The following CCDC57 variants were observed in gnomAD, a reference collection of about 807,000 sequenced individuals.
CCDC57 encodes the protein coiled-coil domain containing 57.
Under a neutral mutation model 118.9 loss-of-function variants are expected in CCDC57, and 118 were observed. The observed-to-expected ratio is 0.99, with a 90% CI of 0.86 to 1.16. The LOEUF (loss-of-function observed/expected upper bound fraction) is 1.16, where lower values mean the gene tolerates loss of function less well. Ranked by LOEUF, CCDC57 falls within the 50% of genes most tolerant of loss-of-function variation. The probability of loss-of-function intolerance (pLI) is 0.00; values close to 1 mark genes in which losing one functional copy is unlikely to be tolerated. For synonymous variants in CCDC57, 527 were observed against 532.9 expected (o/e 0.99, Z 0.15); for missense variants, 1,300 against 1,320.7 (o/e 0.98, Z 0.24).
chr17:82,169,445 G>A (rs1233008349), intron 13 of CCDC57, among the ~76,000 whole-genome samples: 1 of 152,176 alleles, frequency 6.6e-6, no homozygotes, highest in Non-Finnish European at 1.5e-5. Flanking sequence ...TCCCCTATTT[G>A]AGACAATCTG....
At chr17:82,142,799 C>T (rs552408831) in intron 16 of CCDC57, among the ~76,000 whole-genome samples, 9 of 152,030 alleles carry the variant, frequency 5.9e-5, no homozygotes, top group Non-Finnish European at 8.8e-5. Flanking sequence ...AGTAGTATTC[C>T]GCACATTTGG....
intron 17 of CCDC57, among the ~76,000 whole-genome samples, chr17:82,131,783 A>G (rs917099330): frequency 1.3e-5 from 2 of 151,888 alleles, no homozygotes; most frequent in African/African-American, 2.4e-5. Context: ...AAAAAGAAAT[A>G]AAAAAGGAAA....
chr17:82,174,073 G>A (rs1568361696), intron 11 of CCDC57, among the ~76,000 whole-genome samples: 1 of 152,236 alleles, frequency 6.6e-6, no homozygotes, highest in African/African-American at 2.4e-5. Context: ...ACTCAACCTT[G>A]AGTCCAGCCA....
chr17:82,174,539 A>G (rs1238702307), intron 11 of CCDC57, among the ~76,000 whole-genome samples: 1 of 152,204 alleles, frequency 6.6e-6, no homozygotes, highest in Non-Finnish European at 1.5e-5. Flanking sequence ...CCCTTCCGCA[A>G]GGAGTTGACC....
intron 3 of CCDC57, 143 bp downstream of exon 2, chr17:82,201,395 C>T: frequency 9.3e-7 from 1 of 1,071,930 alleles, no homozygotes; most frequent in South Asian, 1.7e-5. Flanking sequence ...GCCACTCAGA[C>T]AGACCAGCTC....
chr17:82,158,078 C>T (rs2042890269), intron 14 of CCDC57, 130 bp from the exon 14 acceptor site: 1 of 1,444,838 alleles, frequency 6.9e-7, no homozygotes, highest in Non-Finnish European at 9.1e-7. Context: ...GCCTCCTCCC[C>T]AGCTGGATGC....
intron 17 of CCDC57, 139 bp downstream of exon 16, chr17:82,133,934 T>C: frequency 3.6e-6 from 3 of 840,024 alleles, no homozygotes; most frequent in East Asian, 3.4e-5. Flanking sequence ...CATTGAAATG[T>C]TACTAATAAC....
intron 13 of CCDC57, among the ~76,000 whole-genome samples, chr17:82,167,498 C>A (rs1241564708): frequency 6.6e-6 from 1 of 151,952 alleles, no homozygotes; most frequent in African/African-American, 2.4e-5. Flanking sequence ...TCACAGGTGT[C>A]CACCACCATG....
intron 16 of CCDC57, among the ~76,000 whole-genome samples, chr17:82,140,448 T>C (rs554576030): frequency 6.6e-6 from 1 of 152,140 alleles, no homozygotes; most frequent in African/African-American, 2.4e-5. Context: ...CTCAAACTCC[T>C]GACCTCAGCT....
In CCDC57 at chr17:82,200,649, C is replaced by T. The variant is rs558290949; in HGVS notation, c.407+889G>A. On this transcript the variant is annotated intron_variant, in intron 3 of 19. Transcript: ENST00000665763. ...AAATACAAAAGAAAAAAAAATTAGC[C>T]GGGCGTGGTGGTGGGCACCTATAGT... Among the ~76,000 whole-genome samples, 8 of 151,886 alleles carry T rather than the reference C, an allele frequency of 5.3e-5. No individual in the cohort carries two copies. In the East Asian group the frequency reaches 7.7e-4, roughly 15 times the overall value.
At chr17:82,179,768 T>C (rs568624189) in intron 9 of CCDC57, among the ~76,000 whole-genome samples, 1 of 152,126 alleles carries the variant, frequency 6.6e-6, no homozygotes, top group Non-Finnish European at 1.5e-5. Context: ...AAGGGGCAGG[T>C]CCACCAGGAC....
intron 4 of CCDC57, among the ~76,000 whole-genome samples, chr17:82,197,322 C>T (rs2048441722): frequency 6.6e-6 from 1 of 152,244 alleles, no homozygotes; most frequent in African/African-American, 2.4e-5. Flanking sequence ...AGAGATGCAG[C>T]CCCTTGTCAC....
chr17:82,135,234 C>A (rs2038984413), intron 16 of CCDC57: 1 of 152,138 alleles, frequency 6.6e-6, no homozygotes, highest in South Asian at 2.1e-4. Flanking sequence ...TCCCAAGTAG[C>A]TGGGATTACA....
exon 20 of CCDC57, chr17:82,101,748 A>C: frequency 6.2e-7 from 1 of 1,609,138 alleles, no homozygotes; most frequent in Non-Finnish European, 8.5e-7. Flanking sequence ...TTGCAGGATG[A>C]GACCGGGAGG....
intron 7 of CCDC57, among the ~76,000 whole-genome samples, chr17:82,189,933 C>A (rs1439433321): frequency 1.3e-5 from 2 of 151,958 alleles, no homozygotes; most frequent in African/African-American, 4.8e-5. Flanking sequence ...TCACTTGAAC[C>A]CAGGAGGCGG....
At chr17:82,121,390 C>T (rs2036656444) in intron 19 of CCDC57, among the ~76,000 whole-genome samples, 2 of 152,174 alleles carry the variant, frequency 1.3e-5, no homozygotes, top group Non-Finnish European at 1.5e-5. Flanking sequence ...AGGCAGCAGG[C>T]TCTCGAGGAC....
intron 11 of CCDC57, among the ~76,000 whole-genome samples, chr17:82,177,561 A>G (rs1014089426): frequency 2.6e-5 from 4 of 152,188 alleles, no homozygotes; most frequent in Non-Finnish European, 2.9e-5. Context: ...CTCAAAATAA[A>G]TAAGTAAAAA....
chr17:82,169,584 G>C (rs1718663350), intron 13 of CCDC57, among the ~76,000 whole-genome samples: 1 of 152,192 alleles, frequency 6.6e-6, no homozygotes, highest in Non-Finnish European at 1.5e-5. Context: ...GTGGAAGGCA[G>C]CCAGGCTGGG....
At chr17:82,190,698 A>T (rs1377823626) in intron 7 of CCDC57, among the ~76,000 whole-genome samples, 1 of 146,146 alleles carries the variant, frequency 6.8e-6, no homozygotes, top group African/African-American at 2.7e-5. Context: ...TCTGTCTCAA[A>T]AAAAAAAAAA....
Sources: gnomAD v4.1 joint callset for allele counts (sites outside exome capture counted in the v4.1 genomes callset) on GRCh38, gnomAD v4.1.1 for gene constraint, MANE v1.5 for transcripts, NCBI Gene and HGNC (gene_info 2026-07-23, HGNC 2026-07-21) for gene names.